Variants in ULK4 observed in about 807,000 individuals in gnomAD.
ULK4 encodes inactive serine/threonine-protein kinase ULK4.
In ULK4, 133 loss-of-function variants were observed where a neutral mutation model predicts 160.6. The observed-to-expected ratio is 0.83, with a 90% CI of 0.72 to 0.96. ULK4 has a LOEUF of 0.96. Ranked by LOEUF, ULK4 falls within the 40% of genes least tolerant of loss-of-function variation. The probability of loss-of-function intolerance (pLI) is 0.00; values close to 1 mark genes in which losing one functional copy is unlikely to be tolerated. For synonymous variants in ULK4, 534 were observed against 539.8 expected, an observed-to-expected ratio of 0.99 and a Z score of 0.15; for missense variants, 1,580 against 1,499.5, an observed-to-expected ratio of 1.05 and a Z score of -0.89.
intron 25 of ULK4, among the ~76,000 whole-genome samples, chr3:41,713,360 G>T (rs144678605): frequency 3.2e-4 from 48 of 152,238 alleles, no homozygotes; most frequent in African/African-American, 1.1e-3. Context: ...CACAAGAACT[G>T]TATGGATAAC....
At chr3:41,920,337 C>T (rs941905704) in intron 5 of ULK4, among the ~76,000 whole-genome samples, 1 of 152,176 alleles carries the variant, frequency 6.6e-6, no homozygotes, top group Non-Finnish European at 1.5e-5. Context: ...ACATCACTTC[C>T]GCTCACACTT....
At chr3:41,639,091 GATCAC>G (rs1013691768) in intron 30 of ULK4, among the ~76,000 whole-genome samples, 3 of 152,146 alleles carry the variant, frequency 2.0e-5, no homozygotes, top group African/African-American at 7.2e-5. Context: ...AAAGTACACT[GATCAC>G]ATCAGGAGAT....
rs140558594 is a variant in ULK4, at chr3:41,851,919, A to C, written c.1657-15948T>G. ...ATCAGAGCAGAACTGAAGGAGATAG[A>C]AACACAAAAAAACCCTTCAAAAAAA... On this transcript the variant is annotated intron_variant, in intron 17 of 36. Transcript: ENST00000301831. Among the ~76,000 whole-genome samples the C allele has an allele frequency of 6.9e-3, 1,051 of 152,292 alleles. 14 individuals carry two copies. Among genetic ancestry groups the C allele is most frequent in the African/African-American group, 0.024 (996 of 41,562 alleles).
intron 35 of ULK4, among the ~76,000 whole-genome samples, chr3:41,311,877 C>CATATACATATATATATATATATAT (rs1553641794): frequency 2.0e-5 from 3 of 146,574 alleles, no homozygotes; most frequent in African/African-American, 7.8e-5. Context: ...AAACTCTCCT[C>CATATACATATATATATATATATAT]ATATATATAT....
intron 30 of ULK4, among the ~76,000 whole-genome samples, chr3:41,657,812 T>C (rs760574702): frequency 2.4e-5 from 1 of 41,220 alleles, no homozygotes; most frequent in Non-Finnish European, 3.8e-5. Flanking sequence ...CGAGACTCCA[T>C]CTCATTAAAA....
intron 17 of ULK4, among the ~76,000 whole-genome samples, chr3:41,864,654 C>T (rs755498401): frequency 6.6e-6 from 1 of 152,056 alleles, no homozygotes; most frequent in Non-Finnish European, 1.5e-5. Context: ...TGTTTCATGC[C>T]TATAATCCCA....
chr3:41,256,408 T>G (rs536450108), intron 35 of ULK4, among the ~76,000 whole-genome samples: 2 of 152,302 alleles, frequency 1.3e-5, no homozygotes, highest in African/African-American at 4.8e-5. Context: ...GATAATGGAA[T>G]AGACAACAGA....
chr3:41,773,769 T>A (rs527564443), intron 21 of ULK4, among the ~76,000 whole-genome samples: 5 of 152,210 alleles, frequency 3.3e-5, no homozygotes, highest in African/African-American at 9.6e-5. Context: ...GCCAAGTCAA[T>A]CCTAAGCCAA....
At chr3:41,937,367 A>C (rs765372044) in intron 3 of ULK4, 1 of 688,872 alleles carries the variant, frequency 1.5e-6, no homozygotes, top group Non-Finnish European at 2.6e-6. Flanking sequence ...ATAAAATCAA[A>C]TAAGTTATTA....
intron 31 of ULK4, among the ~76,000 whole-genome samples, chr3:41,614,432 A>G (rs2032857182): frequency 6.6e-6 from 1 of 152,262 alleles, no homozygotes; most frequent in Non-Finnish European, 1.5e-5. Flanking sequence ...AATAATGTGT[A>G]TCTGACTGAA....
chr3:41,519,697 T>C lies in ULK4; in HGVS notation c.3226+46328A>G, dbSNP rs144528984. Among the ~76,000 whole-genome samples the C allele has an allele frequency of 1.7e-3, 260 of 152,358 alleles. 1 individual carries two copies. The highest frequency in any genetic ancestry group is 1.2e-3 in the Non-Finnish European group (83 of 68,034). The stretch of plus-strand genomic sequence containing the variant: ...TAAAAGAAACACTGTGTACATTTTA[T>C]TCATTTTGCATTGGTAAAATGGGAA... On this transcript the variant is annotated intron_variant, in intron 32 of 36. Coordinates refer to ENST00000301831, the MANE Select transcript of ULK4 (RefSeq NM_017886.4).
rs1352804905 is a variant in ULK4 at position 41,343,404 on chromosome 3, C to T, written c.3678+54675G>A. Among the ~76,000 whole-genome samples the T allele has an allele frequency of 2.0e-5, 3 of 148,376 alleles. No individual in the cohort carries two copies. The Admixed American group carries it at 2.0e-4, about 10-fold the overall frequency. On this transcript the variant is annotated intron_variant, in intron 35 of 36. Transcript: ENST00000301831. Reference sequence around the variant, plus strand: ...ACTGCAGCCTCTGCCTCCCGGGTTCCAGTGATTCTCCTGCCTCAGTCTCCT... The same window carrying T: ...ACTGCAGCCTCTGCCTCCCGGGTTCTAGTGATTCTCCTGCCTCAGTCTCCT...
chr3:41,292,943 CA>C (rs1295434628), intron 35 of ULK4, among the ~76,000 whole-genome samples: 3 of 150,892 alleles, frequency 2.0e-5, no homozygotes, highest in East Asian at 2.0e-4. Flanking sequence ...GACACCGTCT[CA>C]AAAAAATAAA....
At chr3:41,882,235 G>T (rs1486817646) in intron 17 of ULK4, 1 of 703,022 alleles carries the variant, frequency 1.4e-6, no homozygotes, top group Non-Finnish European at 2.6e-6. Flanking sequence ...GGAGTGGAGT[G>T]TTGAACAAGA....
intron 30 of ULK4, among the ~76,000 whole-genome samples, chr3:41,661,631 C>G (rs1013944368): frequency 7.2e-5 from 11 of 151,966 alleles, no homozygotes; most frequent in Non-Finnish European, 1.6e-4. Context: ...AATTACTACC[C>G]CTAGGGGAGA....
chr3:41,937,917 G>C, intron 3 of ULK4, 181 bp downstream of exon 3: 1 of 404,304 alleles, frequency 2.5e-6, no homozygotes, highest in Non-Finnish European at 4.3e-6. Context: ...AATCCAACCC[G>C]GAATTGAATT....
chr3:41,384,442 C>A (rs561045067), intron 35 of ULK4, among the ~76,000 whole-genome samples: 52 of 152,186 alleles, frequency 3.4e-4, no homozygotes, highest in African/African-American at 1.2e-3. Context: ...ACTAATAATA[C>A]CAGCATTTTG....
intron 16 of ULK4, among the ~76,000 whole-genome samples, chr3:41,885,561 C>G (rs1323661147): frequency 6.6e-6 from 1 of 152,220 alleles, no homozygotes; most frequent in African/African-American, 2.4e-5. Flanking sequence ...CACTATCTAA[C>G]AAACCTTTGT....
intron 19 of ULK4, among the ~76,000 whole-genome samples, chr3:41,803,592 G>T (rs373864741): frequency 1.3e-5 from 2 of 152,068 alleles, no homozygotes; most frequent in South Asian, 4.2e-4. Context: ...CCATTAACTC[G>T]TCATTTAACA....
Sources: gnomAD v4.1 joint callset for allele counts (sites outside exome capture counted in the v4.1 genomes callset) on GRCh38, gnomAD v4.1.1 for gene constraint, MANE v1.5 for transcripts, NCBI Gene and HGNC (gene_info 2026-07-23, HGNC 2026-07-21) for gene names.